CTIF: variants seen among roughly 807,000 people sequenced by gnomAD.
CTIF encodes cap binding complex dependent translation initiation factor.
A neutral mutation model predicts 66.0 loss-of-function variants in CTIF; 21 were observed. The observed-to-expected ratio is 0.32, with a 90% CI of 0.23 to 0.46. The LOEUF is 0.46. Among genes scored for constraint, CTIF ranks in the 20% least tolerant of loss-of-function variants. The pLI, the probability that CTIF is intolerant of heterozygous loss-of-function variation, is 1.00. For missense variants in CTIF, 739 were observed against 812.7 expected, an observed-to-expected ratio of 0.91 and a Z score of 1.10; for synonymous variants, 345 against 326.4, an observed-to-expected ratio of 1.06 and a Z score of -0.62.
In CTIF at chr18:48,861,619, G is replaced by GAGAC. The variant is rs2069471199; in HGVS notation, c.*2061_*2064dup. ...GGAGGCAAGGCCCCCGAAGAGAGGA[G>GAGAC]AGACCTGGGAGTGGGAGCTCAGGTC... On this transcript the variant is annotated 3_prime_UTR_variant, in exon 12 of 12. Transcript: ENST00000256413. 3 of 152,622 alleles carry GAGAC rather than the reference G, an allele frequency of 2.0e-5. No individual in the cohort carries two copies. Among genetic ancestry groups the GAGAC allele is most frequent in the Admixed American group, 2.0e-4 (3 of 15,304 alleles). 9.5% of individuals were successfully genotyped at this position (152,622 alleles called of 1,614,324 possible).
chr18:48,599,916 T>C (rs1463067945), intron 1 of CTIF, among the ~76,000 whole-genome samples: 8 of 152,196 alleles, frequency 5.3e-5, no homozygotes, highest in African/African-American at 1.7e-4. Context: ...TCACGGGGCT[T>C]CCCTGAGCCA....
chr18:48,684,136 G>T (rs369527295), intron 6 of CTIF, among the ~76,000 whole-genome samples: 4 of 152,188 alleles, frequency 2.6e-5, no homozygotes, highest in South Asian at 2.1e-4. Context: ...CATCTCCAAC[G>T]TAGTATAATG....
chr18:48,676,575 G>A (rs1427154677), intron 6 of CTIF, among the ~76,000 whole-genome samples: 1 of 152,158 alleles, frequency 6.6e-6, no homozygotes, highest in Non-Finnish European at 1.5e-5. Context: ...GCCCTTTGCT[G>A]TGAAAGGGGC....
intron 3 of CTIF, among the ~76,000 whole-genome samples, chr18:48,663,452 C>G (rs1166706888): frequency 6.6e-6 from 1 of 152,098 alleles, no homozygotes; most frequent in Admixed American, 6.5e-5. Flanking sequence ...GTGATGGTGG[C>G]TCTGGGTGGT....
At chr18:48,784,746 AAGAG>A (rs111425901) in intron 9 of CTIF, among the ~76,000 whole-genome samples, 11,803 of 152,090 alleles carry the variant, frequency 0.078, 496 homozygotes, top group Non-Finnish European at 0.098. Flanking sequence ...GGTCAGCAAA[AAGAG>A]AGAGACAGAG....
intron 6 of CTIF, among the ~76,000 whole-genome samples, chr18:48,697,271 G>A (rs975538192): frequency 1.3e-5 from 2 of 152,218 alleles, no homozygotes; most frequent in Admixed American, 6.5e-5. Context: ...AAGGAAGCAT[G>A]GCTCCTGAGC....
intron 3 of CTIF, among the ~76,000 whole-genome samples, chr18:48,660,571 T>C (rs532107387): frequency 6.6e-6 from 1 of 152,356 alleles, no homozygotes; most frequent in Admixed American, 6.5e-5. Flanking sequence ...CCGCCAGGGA[T>C]ACTGCTTTGG....
At chr18:48,700,160 G>T (rs1184934824) in intron 6 of CTIF, among the ~76,000 whole-genome samples, 1 of 152,230 alleles carries the variant, frequency 6.6e-6, no homozygotes, top group African/African-American at 2.4e-5. Context: ...TCTCATGGTA[G>T]TGAGTAAGTT....
chr18:48,621,748 G>A (rs1001392127), intron 2 of CTIF: 8 of 256,240 alleles, frequency 3.1e-5, no homozygotes, highest in Non-Finnish European at 5.4e-5. Context: ...GGAACAGAAG[G>A]AGATGGCCTG....
chr18:48,780,141 GCCAA>G (rs2146041885), intron 9 of CTIF, among the ~76,000 whole-genome samples: 1 of 152,222 alleles, frequency 6.6e-6, no homozygotes, highest in South Asian at 2.1e-4. Flanking sequence ...AGTGTAAGAG[GCCAA>G]GCCTGCAAAG....
rs749946917 is a variant in CTIF, at chr18:48,758,103, C to A, written c.769C>A (p.His257Asn). 1 of 1,614,126 alleles carries A rather than the reference C, an allele frequency of 6.2e-7. No homozygotes were observed. Among genetic ancestry groups the A allele is most frequent in the Non-Finnish European group, 8.5e-7 (1 of 1,180,020 alleles). ...GCGCTGGCACCATGGCAACATGAAG[C>A]ACCCACCAGGCGACAAGGGGGAGGC... Reference protein sequence around the residue: ...NRRWHHGNMKHPPGDKGEAGA... With the variant: ...NRRWHHGNMKNPPGDKGEAGA... The change falls in exon 8 of 12, where the codon CAC becomes AAC. Residue 257 changes from histidine (H) to asparagine (N), a missense_variant. By Grantham distance (68) the His-to-Asn change is moderately conservative. Coordinates refer to ENST00000256413, the MANE Select transcript of CTIF (RefSeq NM_014772.3).
chr18:48,730,784 A>T (rs2092449940), intron 7 of CTIF, among the ~76,000 whole-genome samples: 1 of 106,466 alleles, frequency 9.4e-6, no homozygotes, highest in East Asian at 3.3e-4. Context: ...ACGCAGTGTG[A>T]AGGGCCCCCT....
chr18:48,697,989 TG>T (rs1279162789), intron 6 of CTIF, among the ~76,000 whole-genome samples: 1 of 151,174 alleles, frequency 6.6e-6, no homozygotes, highest in African/African-American at 2.4e-5. Flanking sequence ...TCATGCACTC[TG>T]GCCTTCCAGG....
intron 10 of CTIF, chr18:48,834,652 A>G (rs1039981283): frequency 6.6e-6 from 1 of 152,634 alleles, no homozygotes; most frequent in African/African-American, 2.4e-5. Flanking sequence ...CCTTCACCCT[A>G]TTTTACAGAT....
In CTIF at chr18:48,553,473, G is replaced by A. The variant is rs144442603; in HGVS notation, c.-29+14161G>A. Among the ~76,000 whole-genome samples, 802 of 152,234 alleles carry A rather than the reference G, an allele frequency of 5.3e-3. 7 individuals are homozygous for A. Among genetic ancestry groups the A allele is most frequent in the African/African-American group, 0.016 (675 of 41,550 alleles). ...AGGAGCGGGTGATGGGGTAATTCCC[G>A]GAATGCAGACTGTAACCAGGGCAGT... On this transcript the variant is annotated intron_variant, in intron 1 of 11. Coordinates refer to ENST00000256413, the MANE Select transcript of CTIF (RefSeq NM_014772.3).
chr18:48,791,618 T>C (rs916861125), intron 9 of CTIF, among the ~76,000 whole-genome samples: 1 of 150,902 alleles, frequency 6.6e-6, no homozygotes, highest in East Asian at 2.0e-4. Flanking sequence ...CCAGAGACCC[T>C]GAGGGCCAGC....
intron 9 of CTIF, among the ~76,000 whole-genome samples, chr18:48,775,851 C>T (rs1910618586): frequency 6.6e-6 from 1 of 152,158 alleles, no homozygotes; most frequent in South Asian, 2.1e-4. Context: ...AAGGAGGTAC[C>T]GCCAGCCTGG....
chr18:48,655,800 C>A (rs552381630), intron 3 of CTIF, among the ~76,000 whole-genome samples: 4 of 152,288 alleles, frequency 2.6e-5, no homozygotes, highest in Admixed American at 2.6e-4. Flanking sequence ...CATGACTGTC[C>A]CAACAATAGA....
chr18:48,829,356 TCTGGTTGGGAGGA>T (rs2068644531), intron 10 of CTIF, among the ~76,000 whole-genome samples: 1 of 151,906 alleles, frequency 6.6e-6, no homozygotes, highest in Admixed American at 6.6e-5. Flanking sequence ...TGAGTGCAGG[TCTGGTTGGGAGGA>T]CTGGTTGGGA....
Sources: gnomAD v4.1 joint callset for allele counts (sites outside exome capture counted in the v4.1 genomes callset) on GRCh38, gnomAD v4.1.1 for gene constraint, MANE v1.5 for transcripts, NCBI Gene and HGNC (gene_info 2026-07-23, HGNC 2026-07-21) for gene names.